Variants in GFRA2 observed in about 807,000 individuals in gnomAD.
The protein encoded by GFRA2 is GDNF family receptor alpha-2.
A neutral mutation model predicts 48.3 loss-of-function variants in GFRA2; 17 were observed. That is an observed-to-expected ratio of 0.35 (90% CI 0.24 to 0.53). The LOEUF is 0.53. Among genes scored for constraint, GFRA2 ranks in the 20% least tolerant of loss-of-function variants. The probability of loss-of-function intolerance (pLI) is 0.93; values close to 1 mark genes in which losing one functional copy is unlikely to be tolerated. For missense variants in GFRA2, 660 were observed against 637.3 expected, an observed-to-expected ratio of 1.04 and a Z score of -0.38; for synonymous variants, 305 against 257.2, an observed-to-expected ratio of 1.19 and a Z score of -1.78.
intron 2 of GFRA2, chr8:21,804,874 A>G (rs1351921407): frequency 2.0e-5 from 3 of 152,108 alleles, no homozygotes; most frequent in East Asian, 1.9e-4. Context: ...CCAGCCTCCA[A>G]TTCCATTCTG....
chr8:21,722,113 G>A (rs749977922), intron 4 of GFRA2, among the ~76,000 whole-genome samples: 13 of 152,112 alleles, frequency 8.5e-5, no homozygotes, highest in Admixed American at 1.3e-4. Flanking sequence ...GGGGGTAACC[G>A]GTTAAAAGGA....
At chr8:21,764,129 A>G (rs1051234074) in intron 3 of GFRA2, among the ~76,000 whole-genome samples, 1 of 152,192 alleles carries the variant, frequency 6.6e-6, no homozygotes, top group Admixed American at 6.5e-5. Flanking sequence ...TCGGGCTGCT[A>G]TAACAAATAC....
chr8:21,767,542 G>A (rs922217976), intron 3 of GFRA2, among the ~76,000 whole-genome samples: 2 of 152,226 alleles, frequency 1.3e-5, no homozygotes, highest in African/African-American at 4.8e-5. Flanking sequence ...AGTTGATGGC[G>A]AAGCCAGGGC....
upstream of GFRA2, among the ~76,000 whole-genome samples, chr8:21,789,551 C>T (rs1807475912): frequency 1.3e-5 from 2 of 152,198 alleles, no homozygotes; most frequent in Admixed American, 6.5e-5. Flanking sequence ...GAGCCGAGGC[C>T]GACAAAGCGT....
intron 4 of GFRA2, among the ~76,000 whole-genome samples, chr8:21,737,246 A>G (rs10217050): frequency 0.25 from 37,713 of 152,080 alleles, 4,874 homozygotes; most frequent in Middle Eastern, 0.31. Context: ...GCGCGTGCCT[A>G]TAGTCTCAGC....
upstream of GFRA2, among the ~76,000 whole-genome samples, chr8:21,789,585 G>A (rs1418538071): frequency 6.6e-6 from 1 of 152,162 alleles, no homozygotes; most frequent in African/African-American, 2.4e-5. Context: ...CCAGGGAAAG[G>A]AATTATCCCC....
intron 1 of GFRA2, among the ~76,000 whole-genome samples, chr8:21,808,366 T>C (rs1344624570): frequency 6.6e-6 from 1 of 152,230 alleles, no homozygotes; most frequent in Non-Finnish European, 1.5e-5. Context: ...GCAATTTTTC[T>C]TATCAGAGCA....
chr8:21,801,317 G>A (rs1244694728), intron 2 of GFRA2, among the ~76,000 whole-genome samples: 6 of 152,134 alleles, frequency 3.9e-5, no homozygotes, highest in African/African-American at 1.2e-4. Flanking sequence ...GGAGGCAGGA[G>A]GACAGGGCTA....
intron 3 of GFRA2, among the ~76,000 whole-genome samples, chr8:21,764,363 C>T (rs1185281625): frequency 2.0e-5 from 3 of 152,164 alleles, no homozygotes; most frequent in Admixed American, 2.0e-4. Context: ...ATAAGGGCTC[C>T]ACTCTCATGT....
intron 6 of GFRA2, 83 bp downstream of exon 6, chr8:21,704,902 C>T (rs762061681): frequency 3.8e-5 from 41 of 1,069,298 alleles, no homozygotes; most frequent in Middle Eastern, 2.7e-4. Context: ...GCCATCCCCA[C>T]GGAAGGAGAT....
At chr8:21,788,955 C>G (rs1002147515), upstream of GFRA2, 1 of 306,866 alleles carries the variant, frequency 3.3e-6, no homozygotes, top group African/African-American at 2.3e-5. Flanking sequence ...CTTCGCGGCT[C>G]CCTCGCCCGG....
At chr8:21,775,994 TG>T (rs1806680209) in intron 2 of GFRA2, among the ~76,000 whole-genome samples, 1 of 36,740 alleles carries the variant, frequency 2.7e-5, no homozygotes, top group Non-Finnish European at 5.9e-5. Flanking sequence ...ATCCTCTGTG[TG>T]TGTGTGTGTG....
At chr8:21,728,057 G>A (rs1273220627) in intron 4 of GFRA2, among the ~76,000 whole-genome samples, 5 of 152,134 alleles carry the variant, frequency 3.3e-5, no homozygotes, top group Non-Finnish European at 7.4e-5. Context: ...TTAATAGATG[G>A]TAGAAAGTAA....
At chr8:21,765,693 C>T (rs983195817) in intron 3 of GFRA2, among the ~76,000 whole-genome samples, 2 of 152,044 alleles carry the variant, frequency 1.3e-5, no homozygotes, top group African/African-American at 2.4e-5. Context: ...TTGGCACTTC[C>T]GGGGGGAGAT....
In GFRA2 at chr8:21,739,022, G is replaced by C. The variant is rs908128741; in HGVS notation, c.794+11566C>G. On this transcript the variant is annotated intron_variant, in intron 4 of 8. Coordinates refer to ENST00000524240, the MANE Select transcript of GFRA2 (RefSeq NM_001495.5). ...CTGAGTGAGCATCTATTTGACCCCA[G>C]CTCATCAGGATTCTTCTCCTGGGCA... Among the ~76,000 whole-genome samples the C allele has an allele frequency of 2.6e-5, 4 of 152,268 alleles. No individual in the cohort carries two copies. In the South Asian group the frequency reaches 8.3e-4, roughly 32 times the overall value.
intron 4 of GFRA2, among the ~76,000 whole-genome samples, chr8:21,729,761 C>T (rs556221401): frequency 3.3e-4 from 50 of 152,268 alleles, no homozygotes; most frequent in Non-Finnish European, 6.2e-4. Context: ...TCCCTCCCAC[C>T]GCCACCCCCA....
At chr8:21,707,413 C>T (rs1385825940) in intron 4 of GFRA2, among the ~76,000 whole-genome samples, 1 of 152,210 alleles carries the variant, frequency 6.6e-6, no homozygotes, top group East Asian at 1.9e-4. Context: ...AGAGAGAATG[C>T]AGGCTTTCCA....
At position 21,788,133 on chromosome 8, in the gene GFRA2, G is replaced by A. The variant is rs917986091; in HGVS notation, c.27C>T (p.Leu9=). The A allele has an allele frequency of 1.3e-6, 2 of 1,562,396 alleles. No individual in the cohort carries two copies. The highest frequency in any genetic ancestry group is 1.7e-4 in the Middle Eastern group (1 of 5,836). Residue 9 remains leucine, a synonymous_variant, in exon 1 of 9, where the codon CTC becomes CTT. Coordinates refer to ENST00000524240, the MANE Select transcript of GFRA2 (RefSeq NM_001495.5). MILANVFC[L]FFFLDETLRS... ...GCAGGTACTCACCTAGAAAGAAGAA[G>A]AGGCAGAAGACGTTTGCCAAGATCA... is the stretch of plus-strand genomic sequence containing the variant.
Position 21,693,389 on chromosome 8 carries a change from A to G in GFRA2, c.1284T>C (p.Asn428=). ...LSMCFTELTT[N]IIPGSNKVIK... is the part of the protein sequence containing the mutation. ...TCACCTTGTTACTCCCTGGGATGAT[A>G]TTTGTCGTGAGCTGAGTCCGCAGCA... The change falls in exon 9 of 9, where the codon AAT becomes AAC. Residue 428 remains asparagine (N), a synonymous_variant. Transcript: ENST00000524240. 1 of 1,610,774 alleles carries G rather than the reference A, an allele frequency of 6.2e-7. No individual in the cohort carries two copies. The highest frequency in any genetic ancestry group is 8.5e-7 in the Non-Finnish European group (1 of 1,178,476).
Sources: gnomAD v4.1 joint callset for allele counts (sites outside exome capture counted in the v4.1 genomes callset) on GRCh38, gnomAD v4.1.1 for gene constraint, MANE v1.5 for transcripts, NCBI Gene and HGNC (gene_info 2026-07-23, HGNC 2026-07-21) for gene names.